Variants in PDE6G observed in about 807,000 individuals in gnomAD.
The protein encoded by PDE6G is rod cGMP 3',5'-cyclic phosphodiesterase subunit gamma.
Under a neutral mutation model 10.9 loss-of-function variants are expected in PDE6G, and 10 were observed. The ratio of observed to expected loss-of-function variants is 0.91; its 90% CI spans 0.56 to 1.55. The LOEUF (loss-of-function observed/expected upper bound fraction) is 1.55, where lower values mean the gene tolerates loss of function less well. Ranked by LOEUF, PDE6G falls within the 40% of genes most tolerant of loss-of-function variation. The probability of loss-of-function intolerance (pLI) is 0.00; values close to 1 mark genes in which losing one functional copy is unlikely to be tolerated. For synonymous variants in PDE6G, 41 were observed against 42.8 expected (o/e 0.96, Z 0.16); for missense variants, 102 against 110.1 (o/e 0.93, Z 0.33).
Position 81,651,378 on chromosome 17 carries a change from AG to A in PDE6G, c.188-229del, listed in dbSNP as rs35624022. 6.6e-6 allele frequency among the ~76,000 whole-genome samples: 1 copy of A among 152,000 alleles called. No homozygotes were observed. Among genetic ancestry groups the A allele is most frequent in the Non-Finnish European group, 1.5e-5 (1 of 67,946 alleles). ...ACCAGAGGAGGGTGGGGCTTGCTGAAGGGGGAGGAGGCAGCGAGGGGTTCTG... is the reference window on the plus strand; with the variant it reads ...ACCAGAGGAGGGTGGGGCTTGCTGAAGGGGAGGAGGCAGCGAGGGGTTCTG... On this transcript the variant is annotated intron_variant, in intron 3 of 3. Coordinates refer to ENST00000331056, the MANE Select transcript of PDE6G (RefSeq NM_002602.4). This position sits in a 1 kb window ranked among gnomAD's most constrained non-coding sequence, Gnocchi z 4.8.
intron 1 of PDE6G, among the ~76,000 whole-genome samples, chr17:81,654,159 A>G (rs2036412178): frequency 6.7e-6 from 1 of 150,002 alleles, no homozygotes; most frequent in Admixed American, 6.7e-5. Flanking sequence ...CCTGCTGGGA[A>G]TGGGCCTGCC....
chr17:81,656,448 G>C (rs1240978469), intron 1 of PDE6G, 45 bp downstream of exon 1: 2 of 738,756 alleles, frequency 2.7e-6, no homozygotes, highest in African/African-American at 3.4e-5. Flanking sequence ...GACTCACTGG[G>C]GGAAGTGGCT....
upstream of PDE6G, among the ~76,000 whole-genome samples, chr17:81,657,521 C>T (rs2036462479): frequency 6.6e-6 from 1 of 152,208 alleles, no homozygotes; most frequent in African/African-American, 2.4e-5. Flanking sequence ...TATGGCAAAA[C>T]CAGTGTACAA....
At chr17:81,656,633 A>AG (rs749756502), upstream of PDE6G, 7 of 710,224 alleles carry the variant, frequency 9.9e-6, no homozygotes, top group South Asian at 2.9e-5. Flanking sequence ...TTGGGCCCCG[A>AG]GGGGGGGCAC....
chr17:81,650,675 G>T lies in PDE6G; in HGVS notation c.*399C>A. 2 of 457,202 alleles carry T rather than the reference G, an allele frequency of 4.4e-6. No homozygotes were observed. The highest frequency in any genetic ancestry group is 3.1e-5 in the South Asian group (2 of 64,494). The allele number at this position is 457,202 out of a possible 1,614,324, so 28.3% of individuals were successfully genotyped here. A position where few individuals can be genotyped will look rare whatever the true frequency, so the allele number is the denominator to read the frequency against. ...TATCCCCTTACAGGCAGGACAGGGG[G>T]CTGGGGTGCAGAAGCACTCTGGGGA... On this transcript the variant is annotated 3_prime_UTR_variant, in exon 4 of 4. Transcript: ENST00000331056.
intron 2 of PDE6G, among the ~76,000 whole-genome samples, chr17:81,652,158 C>T (rs7406825): frequency 0.44 from 66,162 of 151,298 alleles, 15,531 homozygotes; most frequent in East Asian, 0.78. Context: ...TGTGTGCGCA[C>T]ACGAGTGAGT....
At chr17:81,662,238 C>T (rs746762059) in intron 1 of PDE6G, among the ~76,000 whole-genome samples, 81 of 152,092 alleles carry the variant, frequency 5.3e-4, no homozygotes, top group Non-Finnish European at 1.1e-3. Context: ...CGTCAACCTT[C>T]GCAAAATAAC....
At position 81,656,452 on chromosome 17, in the gene PDE6G, A is replaced by T. The variant is rs1404944366; in HGVS notation, c.-60+41T>A. The T allele has an allele frequency of 8.1e-6, 6 of 741,862 alleles. No individual in the cohort carries two copies. The East Asian group carries it at 1.5e-4, about 18-fold the overall frequency. 46.0% of individuals were successfully genotyped at this position (741,862 alleles called of 1,614,324 possible). A position where few individuals can be genotyped will look rare whatever the true frequency, so the allele number is the denominator to read the frequency against. Reference sequence around the variant, plus strand: ...AGACCCCCACTGACTCACTGGGGGAAGTGGCTGCCAGGAAAGACAGCGGGG... The same window carrying T: ...AGACCCCCACTGACTCACTGGGGGATGTGGCTGCCAGGAAAGACAGCGGGG... On this transcript the variant is annotated intron_variant, in intron 1 of 3. Coordinates refer to ENST00000331056, the MANE Select transcript of PDE6G (RefSeq NM_002602.4).
upstream of PDE6G, chr17:81,656,692 G>A: frequency 1.4e-6 from 1 of 699,066 alleles, no homozygotes; most frequent in East Asian, 2.7e-5. Context: ...GTGCTGTCAA[G>A]GGCTCCAAGG....
At chr17:81,655,288 T>C (rs1304020564) in intron 1 of PDE6G, among the ~76,000 whole-genome samples, 1 of 152,174 alleles carries the variant, frequency 6.6e-6, no homozygotes, top group East Asian at 1.9e-4. Flanking sequence ...GGTGCTGAGC[T>C]GTGAAGCCCT....
intron 1 of PDE6G, among the ~76,000 whole-genome samples, chr17:81,662,819 G>A (rs897331695): frequency 1.3e-5 from 2 of 151,666 alleles, no homozygotes; most frequent in East Asian, 1.9e-4. Context: ...GTGATATGGC[G>A]AAACCCCGTC....
In PDE6G at chr17:81,653,819, T is replaced by C; in HGVS notation, c.-59-455A>G. ...TACTCTGGGTTTTTTTTTGTTTTGT[T>C]TTGTTTTTGAGACAGAGTTTTGCTC... On this transcript the variant is annotated intron_variant, in intron 1 of 3. Transcript: ENST00000331056. This position sits in a 1 kb window ranked among gnomAD's most constrained non-coding sequence, Gnocchi z 5.2. 6.1e-6 allele frequency: 1 copy of C among 163,072 alleles called. No individual in the cohort carries two copies. Among genetic ancestry groups the C allele is most frequent in the Admixed American group, 5.8e-5 (1 of 17,128 alleles). 10.1% of individuals were successfully genotyped at this position (163,072 alleles called of 1,614,324 possible). A position where few individuals can be genotyped will look rare whatever the true frequency, so the allele number is the denominator to read the frequency against.
chr17:81,652,567 G>A (rs145300374), intron 2 of PDE6G, among the ~76,000 whole-genome samples: 3,257 of 151,528 alleles, frequency 0.021, 131 homozygotes, highest in African/African-American at 0.074. Context: ...ATGAGCCACC[G>A]CCCCCGGCCG....
chr17:81,657,831 A>G (rs1221071551), upstream of PDE6G, among the ~76,000 whole-genome samples: 1 of 151,754 alleles, frequency 6.6e-6, no homozygotes, highest in African/African-American at 2.4e-5. Context: ...CAGTGAGCCG[A>G]GATCGCGCCA....
chr17:81,657,327 G>T (rs1381821286), upstream of PDE6G, among the ~76,000 whole-genome samples: 4 of 136,810 alleles, frequency 2.9e-5, no homozygotes, highest in Admixed American at 7.2e-5. Context: ...TTCTTCCTGA[G>T]GGGCCTGGAG....
intron 1 of PDE6G, among the ~76,000 whole-genome samples, chr17:81,654,721 T>A (rs1445968997): frequency 2.0e-5 from 3 of 148,864 alleles, no homozygotes; most frequent in Non-Finnish European, 3.0e-5. Context: ...CCCCCTAGGA[T>A]CCTATTCCAG....
intron 2 of PDE6G, among the ~76,000 whole-genome samples, chr17:81,652,721 G>A (rs139372999): frequency 0.022 from 3,294 of 152,126 alleles, 53 homozygotes; most frequent in Middle Eastern, 0.034. Context: ...GATTACAGGC[G>A]TGCACCACCA....
rs1267305714 is a variant in PDE6G, at chr17:81,651,264, G to A, written c.188-114C>T. Reference sequence around the variant, plus strand: ...TGTAGCCCTACAGTGTGCTGAGCGGGGACGTGCGGACGCTGGAGTGGGGCC... The same window carrying A: ...TGTAGCCCTACAGTGTGCTGAGCGGAGACGTGCGGACGCTGGAGTGGGGCC... On this transcript the variant is annotated intron_variant, in intron 3 of 3. Transcript: ENST00000331056. The surrounding 1 kb of genome is among the most constrained non-coding windows in gnomAD (Gnocchi z 4.8). 1.2e-5 allele frequency: 9 copies of A among 776,376 alleles called. No homozygotes were observed. The allele number at this position is 776,376 out of a possible 1,614,324, so 48.1% of individuals were successfully genotyped here. A position where few individuals can be genotyped will look rare whatever the true frequency, so the allele number is the denominator to read the frequency against.
At position 81,653,426 on chromosome 17, in the gene PDE6G, T is replaced by C. The variant is rs559608796; in HGVS notation, c.-59-62A>G. ...CCTGCTTCCAACCCTTGTGGGGGTC[T>C]CAACCCACCGGTGGAGGGGCTGAGA... On this transcript the variant is annotated intron_variant, in intron 1 of 3. Transcript: ENST00000331056. This position sits in a 1 kb window ranked among gnomAD's most constrained non-coding sequence, Gnocchi z 5.2. 11 of 1,186,104 alleles carry C rather than the reference T, an allele frequency of 9.3e-6. No individual in the cohort carries two copies. The African/African-American group carries it at 1.4e-4, about 15-fold the overall frequency. The allele number at this position is 1,186,104 out of a possible 1,614,324, so 73.5% of individuals were successfully genotyped here.
Sources: allele counts gnomAD v4.1 joint callset (sites outside exome capture counted in the v4.1 genomes callset), GRCh38; gene constraint gnomAD v4.1.1; non-coding constraint Gnocchi (gnomAD v3.1); transcripts MANE v1.5; gene names NCBI Gene and HGNC (gene_info 2026-07-23, HGNC 2026-07-21).